Variants in DCSTAMP observed in about 807,000 individuals in gnomAD.
DCSTAMP encodes dendrocyte expressed seven transmembrane protein.
DCSTAMP carries 25 observed loss-of-function variants against 33.8 expected under a neutral mutation model. The ratio of observed to expected loss-of-function variants is 0.74; its 90% CI spans 0.54 to 1.03. DCSTAMP has a LOEUF of 1.03. DCSTAMP is among the 50% of genes least tolerant of loss of function. The pLI, the probability that DCSTAMP is intolerant of heterozygous loss-of-function variation, is 0.00. For missense variants in DCSTAMP, 531 were observed against 556.8 expected (o/e 0.95, Z 0.47); for synonymous variants, 245 against 216.7 (o/e 1.13, Z -1.15).
chr8:104,354,957 A>C lies in DCSTAMP; in HGVS notation c.1110A>C (p.Lys370Asn), dbSNP rs200236161. The change falls in exon 3 of 4, where the codon AAA becomes AAC. Residue 370 changes from lysine (K) to asparagine (N), a missense_variant. Physicochemically the swap from Lys to Asn is moderately conservative, Grantham distance 94. Coordinates refer to ENST00000297581, the MANE Select transcript of DCSTAMP (RefSeq NM_030788.4). ...VFEPNCIPKP[K>N]FLLSETWVPL... is the part of the protein sequence containing the mutation. ...AACCCAACTGTATCCCAAAACCAAA[A>C]TTCCTTCTATCTGAGACCTGGGTTC... The C allele has an allele frequency of 4.5e-4, 723 of 1,613,638 alleles. 1 individual carries two copies. Among genetic ancestry groups the C allele is most frequent in the Non-Finnish European group, 5.7e-4 (678 of 1,179,706 alleles).
At chr8:104,353,983 C>G (rs935175371) in intron 2 of DCSTAMP, among the ~76,000 whole-genome samples, 1 of 152,144 alleles carries the variant, frequency 6.6e-6, no homozygotes, top group Non-Finnish European at 1.5e-5. Context: ...ATGACTTTCC[C>G]AGGTCAGAGA....
Position 104,355,195 on chromosome 8 carries a change from A to C in DCSTAMP, c.1338+10A>C. On this transcript the variant is annotated intron_variant, in intron 3 of 3. Coordinates refer to ENST00000297581, the MANE Select transcript of DCSTAMP (RefSeq NM_030788.4). ...TCTCTATCTTACAAAGGTAAGGCCAAGATGGTGGTGTAACCTCCAATTGAG... is the reference window on the plus strand; with the variant it reads ...TCTCTATCTTACAAAGGTAAGGCCACGATGGTGGTGTAACCTCCAATTGAG... 1 of 1,601,550 alleles carries C rather than the reference A, an allele frequency of 6.2e-7. No homozygotes were observed. Among genetic ancestry groups the C allele is most frequent in the South Asian group, 1.1e-5 (1 of 88,978 alleles).
Position 104,349,290 on chromosome 8 carries a change from C to T in DCSTAMP, c.738C>T (p.Tyr246=), listed in dbSNP as rs1325735888. ...GTGGTTGGAAGTATGAAAACATCTACATCACCAGACAATTTGTTCAGTTTG... is the reference window on the plus strand; with the variant it reads ...GTGGTTGGAAGTATGAAAACATCTATATCACCAGACAATTTGTTCAGTTTG... ...GPCGWKYENI[Y]ITRQFVQFDE... Residue 246 remains tyrosine, a synonymous_variant, in exon 2 of 4, where the codon TAC becomes TAT. Transcript: ENST00000297581. The T allele has an allele frequency of 6.2e-7, 1 of 1,614,204 alleles. No individual in the cohort carries two copies. The highest frequency in any genetic ancestry group is 1.7e-5 in the Admixed American group (1 of 60,018).
rs1414071747 is a variant in DCSTAMP, at chr8:104,355,203, G to A, written c.1338+18G>A. On this transcript the variant is annotated intron_variant, in intron 3 of 3. Transcript: ENST00000297581. ...TTACAAAGGTAAGGCCAAGATGGTGGTGTAACCTCCAATTGAGGAAGTGTT... is the reference window on the plus strand; with the variant it reads ...TTACAAAGGTAAGGCCAAGATGGTGATGTAACCTCCAATTGAGGAAGTGTT... 3.8e-6 allele frequency: 6 copies of A among 1,592,400 alleles called. No homozygotes were observed. Among genetic ancestry groups the A allele is most frequent in the Non-Finnish European group, 5.1e-6 (6 of 1,171,244 alleles).
At chr8:104,342,821 T>C (rs2099383162) in intron 1 of DCSTAMP, among the ~76,000 whole-genome samples, 1 of 152,206 alleles carries the variant, frequency 6.6e-6, no homozygotes, top group Non-Finnish European at 1.5e-5. Context: ...AGGATGGGCC[T>C]GCGTCCGGGG....
chr8:104,348,827 G>A lies in DCSTAMP; in HGVS notation c.275G>A (p.Arg92His), dbSNP rs777604877. The stretch of plus-strand genomic sequence containing the variant: ...CTTGTCTTTCTCTCTTGTGGCCTGC[G>A]TGAAGGCAGGAATGCTTTGATTGCA... ...ILLVFLSCGL[R>H]EGRNALIAAG... The change falls in exon 2 of 4, where the codon CGT (arginine) becomes CAT (histidine). Residue 92 changes from arginine (R) to histidine (H), a missense_variant. By Grantham distance (29) the Arg-to-His change is conservative. Coordinates refer to ENST00000297581, the MANE Select transcript of DCSTAMP (RefSeq NM_030788.4). The A allele has an allele frequency of 1.7e-5, 28 of 1,614,076 alleles. No homozygotes were observed. Among genetic ancestry groups the A allele is most frequent in the Admixed American group, 6.7e-5 (4 of 60,002 alleles).
intron 2 of DCSTAMP, among the ~76,000 whole-genome samples, chr8:104,352,045 C>A (rs1810476152): frequency 6.6e-6 from 1 of 152,198 alleles, no homozygotes; most frequent in Non-Finnish European, 1.5e-5. Flanking sequence ...ATTTGCCCTA[C>A]TATTCCTCAA....
At chr8:104,346,689 G>T (rs1289072072) in intron 1 of DCSTAMP, among the ~76,000 whole-genome samples, 2 of 152,222 alleles carry the variant, frequency 1.3e-5, no homozygotes, top group African/African-American at 2.4e-5. Flanking sequence ...TCTGCTCTGA[G>T]CATTTCCATT....
intron 2 of DCSTAMP, among the ~76,000 whole-genome samples, chr8:104,350,644 G>A (rs928550583): frequency 2.8e-4 from 42 of 152,154 alleles, no homozygotes; most frequent in African/African-American, 9.2e-4. Context: ...TTCAGGCCTC[G>A]ATTTACACAG....
intron 1 of DCSTAMP, among the ~76,000 whole-genome samples, chr8:104,347,666 C>T (rs974145662): frequency 1.3e-5 from 2 of 152,206 alleles, no homozygotes; most frequent in African/African-American, 4.8e-5. Flanking sequence ...AGGATGGCCT[C>T]TCTCACATCT....
intron 2 of DCSTAMP, among the ~76,000 whole-genome samples, chr8:104,352,506 CCTCT>C (rs892266771): frequency 1.3e-5 from 2 of 152,114 alleles, no homozygotes; most frequent in African/African-American, 2.4e-5. Flanking sequence ...CTCAATTCTC[CCTCT>C]CTCTCCTACA....
chr8:104,340,387 T>C (rs1382327741), intron 1 of DCSTAMP: 1 of 152,204 alleles, frequency 6.6e-6, no homozygotes, highest in Non-Finnish European at 1.5e-5. Context: ...AGGCCGCAGC[T>C]CCTGCTCAAG....
chr8:104,344,880 G>A (rs1307139726), intron 1 of DCSTAMP, among the ~76,000 whole-genome samples: 1 of 152,180 alleles, frequency 6.6e-6, no homozygotes, highest in Admixed American at 6.5e-5. Flanking sequence ...ATGTCTAAAG[G>A]AGGCATGGGT....
chr8:104,341,977 G>T (rs1479549824), intron 1 of DCSTAMP, among the ~76,000 whole-genome samples: 8 of 152,170 alleles, frequency 5.3e-5, no homozygotes, highest in Admixed American at 2.6e-4. Context: ...ATTGACAATG[G>T]AGGCAAAATA....
intron 2 of DCSTAMP, among the ~76,000 whole-genome samples, chr8:104,352,783 G>C (rs1188578539): frequency 6.6e-6 from 1 of 152,198 alleles, no homozygotes; most frequent in South Asian, 2.1e-4. Context: ...AAACAGTAGG[G>C]TGGTGGGCAC....
Position 104,354,951 on chromosome 8 carries a change from A to G in DCSTAMP, c.1104A>G (p.Lys368=). The G allele has an allele frequency of 6.2e-7, 1 of 1,613,790 alleles. No individual in the cohort carries two copies. Among genetic ancestry groups the G allele is most frequent in the Non-Finnish European group, 8.5e-7 (1 of 1,179,700 alleles). ...ISVFEPNCIP[K]PKFLLSETWV... is the part of the protein sequence containing the mutation. ...TGTTTGAACCCAACTGTATCCCAAA[A>G]CCAAAATTCCTTCTATCTGAGACCT... Residue 368 remains lysine (K), a synonymous_variant, in exon 3 of 4, where the codon AAA becomes AAG. Coordinates refer to ENST00000297581, the MANE Select transcript of DCSTAMP (RefSeq NM_030788.4).
intron 2 of DCSTAMP, among the ~76,000 whole-genome samples, chr8:104,352,828 C>T (rs748257618): frequency 9.9e-5 from 15 of 152,080 alleles, no homozygotes; most frequent in Non-Finnish European, 1.8e-4. Flanking sequence ...GCTGTGGGAG[C>T]GCTTCTCAAA....
chr8:104,345,372 C>A (rs896026508), intron 1 of DCSTAMP, among the ~76,000 whole-genome samples: 6 of 152,108 alleles, frequency 3.9e-5, no homozygotes, highest in African/African-American at 1.4e-4. Context: ...GGAACATCAG[C>A]CTTTGGGCTC....
intron 2 of DCSTAMP, among the ~76,000 whole-genome samples, chr8:104,352,195 C>T (rs1810479411): frequency 6.6e-6 from 1 of 152,188 alleles, no homozygotes; most frequent in African/African-American, 2.4e-5. Flanking sequence ...GCTGCATTCA[C>T]ACTTTTCCTC....
Sources: gnomAD v4.1 joint callset for allele counts (sites outside exome capture counted in the v4.1 genomes callset) on GRCh38, gnomAD v4.1.1 for gene constraint, MANE v1.5 for transcripts, NCBI Gene and HGNC (gene_info 2026-07-23, HGNC 2026-07-21) for gene names.